DIAPH2: variants seen among roughly 807,000 people sequenced by gnomAD.
DIAPH2 encodes diaphanous related formin 2.
A neutral mutation model predicts 92.7 loss-of-function variants in DIAPH2; 35 were observed. The ratio of observed to expected loss-of-function variants is 0.38; its 90% CI spans 0.29 to 0.50. The LOEUF (loss-of-function observed/expected upper bound fraction) is 0.50, where lower values mean the gene tolerates loss of function less well. DIAPH2 is among the 20% of genes least tolerant of loss of function. The pLI is 0.94. For missense variants in DIAPH2, 701 were observed against 819.5 expected, an observed-to-expected ratio of 0.86 and a Z score of 1.77; for synonymous variants, 301 against 280.4, an observed-to-expected ratio of 1.07 and a Z score of -0.73.
intron 22 of DIAPH2, among the ~76,000 whole-genome samples, chrX:97,176,021 G>C (rs1324188949): frequency 1.8e-5 from 2 of 112,171 alleles, no homozygotes; most frequent in Non-Finnish European, 3.8e-5. Context: ...GTGCTTTCAA[G>C]TTTTTGTATG....
intron 23 of DIAPH2, among the ~76,000 whole-genome samples, chrX:97,277,369 GAC>G (rs1261901037): frequency 1.8e-5 from 2 of 111,169 alleles, no homozygotes; most frequent in Non-Finnish European, 3.8e-5. Flanking sequence ...TAAAAAAAAA[GAC>G]ACTGCAACGG....
intron 25 of DIAPH2, among the ~76,000 whole-genome samples, chrX:97,388,348 C>T (rs1051788431): frequency 3.6e-5 from 4 of 111,069 alleles, no homozygotes; most frequent in Non-Finnish European, 7.6e-5. Flanking sequence ...AAAGGCCCAC[C>T]CTACTTTATT....
At chrX:97,106,158 G>T (rs889142733) in intron 20 of DIAPH2, among the ~76,000 whole-genome samples, 19 of 110,496 alleles carry the variant, frequency 1.7e-4, no homozygotes, top group African/African-American at 6.3e-4. Flanking sequence ...TTTCACTTTT[G>T]CATATTCAGT....
chrX:97,010,758 G>A (rs982268337), intron 17 of DIAPH2, among the ~76,000 whole-genome samples: 1 of 111,656 alleles, frequency 9.0e-6, no homozygotes, highest in Non-Finnish European at 1.9e-5. Flanking sequence ...GTACAACTAC[G>A]GTATGATCTA....
At chrX:97,000,435 C>A (rs991003309) in intron 17 of DIAPH2, among the ~76,000 whole-genome samples, 2 of 111,900 alleles carry the variant, frequency 1.8e-5, no homozygotes, top group Non-Finnish European at 3.8e-5. Flanking sequence ...ATTCATCTCT[C>A]TTGATTCTTA....
At position 97,348,143 on chromosome X, in the gene DIAPH2, T is replaced by C; in HGVS notation, c.2872T>C (p.Tyr958His). 1.7e-6 allele frequency: 2 copies of C among 1,211,301 alleles called. No homozygotes were observed. Among genetic ancestry groups the C allele is most frequent in the Non-Finnish European group, 2.2e-6 (2 of 895,243 alleles). ...CTTTACAAAGACTGCCCGAGAACAG[T>C]ATGAAAAACTCTCCACCATGCACAA... ...TSFTKTAREQ[Y>H]EKLSTMHNNM... The change falls in exon 24 of 27, where the codon TAT becomes CAT. Residue 958 changes from tyrosine (Y) to histidine (H), a missense_variant. Around this residue, in one of 3 missense-constraint regions of DIAPH2, gnomAD observed 536 missense variants for 599.3 expected, o/e 0.89. Coordinates refer to ENST00000324765, the MANE Select transcript of DIAPH2 (RefSeq NM_006729.5).
At chrX:97,549,867 G>A (rs755420783) in intron 26 of DIAPH2, among the ~76,000 whole-genome samples, 1 of 111,945 alleles carries the variant, frequency 8.9e-6, no homozygotes, top group East Asian at 2.8e-4. Context: ...AAATATTATA[G>A]TTTTTAGAGC....
intron 21 of DIAPH2, among the ~76,000 whole-genome samples, chrX:97,129,425 A>G (rs1490801295): frequency 1.8e-5 from 2 of 110,465 alleles, no homozygotes; most frequent in African/African-American, 6.6e-5. Context: ...TCGGCCTCCC[A>G]GAGTGCTGGG....
chrX:97,198,563 C>A (rs2067722719), intron 22 of DIAPH2, among the ~76,000 whole-genome samples: 1 of 111,079 alleles, frequency 9.0e-6, no homozygotes, highest in African/African-American at 3.3e-5. Context: ...AAAGTTCATT[C>A]CTATGTAAAA....
At chrX:96,936,889 A>C (rs1266313156) in intron 10 of DIAPH2, among the ~76,000 whole-genome samples, 2 of 111,975 alleles carry the variant, frequency 1.8e-5, no homozygotes, top group South Asian at 3.7e-4. Flanking sequence ...TTCTGACTGC[A>C]TGAGTTCTTT....
At chrX:97,033,938 T>C (rs2066393143) in intron 17 of DIAPH2, among the ~76,000 whole-genome samples, 1 of 111,806 alleles carries the variant, frequency 8.9e-6, no homozygotes, top group Admixed American at 9.5e-5. Context: ...GTAATTAGCA[T>C]GAAGGAACTG....
At chrX:96,988,866 G>A (rs1281158639) in intron 17 of DIAPH2, among the ~76,000 whole-genome samples, 5 of 110,957 alleles carry the variant, frequency 4.5e-5, no homozygotes, top group East Asian at 2.8e-4. Context: ...TGTACTAGGC[G>A]TGAATTAATT....
chrX:96,818,635 A>G (rs910832872), intron 4 of DIAPH2, among the ~76,000 whole-genome samples: 7 of 112,528 alleles, frequency 6.2e-5, no homozygotes, highest in African/African-American at 2.3e-4. Flanking sequence ...GCTAGCGACT[A>G]TTTTTATTGG....
intron 1 of DIAPH2, among the ~76,000 whole-genome samples, chrX:96,719,990 G>A (rs2063979490): frequency 9.0e-6 from 1 of 111,639 alleles, no homozygotes; most frequent in African/African-American, 3.2e-5. Flanking sequence ...ATGGCTGAAC[G>A]TTAACCAACC....
At chrX:96,828,037 C>T (rs778236352) in intron 4 of DIAPH2, among the ~76,000 whole-genome samples, 95 of 111,792 alleles carry the variant, frequency 8.5e-4, no homozygotes, top group African/African-American at 3.0e-3. Flanking sequence ...CCTAAAGTGC[C>T]GGGATTACAG....
intron 26 of DIAPH2, among the ~76,000 whole-genome samples, chrX:97,477,932 C>T (rs148554929): frequency 0.028 from 3,049 of 110,850 alleles, 34 homozygotes; most frequent in Middle Eastern, 0.041. Flanking sequence ...GGGTACTTGT[C>T]CAATTACAGG....
At chrX:97,177,869 C>A (rs968370419) in intron 22 of DIAPH2, among the ~76,000 whole-genome samples, 6 of 110,612 alleles carry the variant, frequency 5.4e-5, no homozygotes, top group African/African-American at 2.0e-4. Context: ...ATCAATAAAG[C>A]GGTATTTATC....
At chrX:96,797,745 T>C (rs1187597979) in intron 4 of DIAPH2, among the ~76,000 whole-genome samples, 10 of 112,443 alleles carry the variant, frequency 8.9e-5, no homozygotes, top group Middle Eastern at 4.6e-3. Context: ...GATTGTTACA[T>C]AGGTAAATGT....
intron 20 of DIAPH2, 78 bp from the exon 21 acceptor site, chrX:97,114,648 T>C: frequency 2.2e-6 from 2 of 899,041 alleles, no homozygotes; most frequent in South Asian, 8.6e-5. Context: ...CAGTGTTGTC[T>C]ATGAAATTAT....
Sources: allele counts gnomAD v4.1 joint callset (sites outside exome capture counted in the v4.1 genomes callset), GRCh38; gene constraint gnomAD v4.1.1; regional missense constraint gnomAD v4.1.1; transcripts MANE v1.5; gene names NCBI Gene and HGNC (gene_info 2026-07-23, HGNC 2026-07-21).